The following CYP19A1 variants were observed in gnomAD, a reference collection of about 807,000 sequenced individuals.
CYP19A1 encodes aromatase.
A neutral mutation model predicts 44.4 loss-of-function variants in CYP19A1; 32 were observed. The ratio of observed to expected loss-of-function variants is 0.72; its 90% CI spans 0.54 to 0.97. CYP19A1 has a LOEUF of 0.97. CYP19A1 is among the 50% of genes least tolerant of loss of function. The pLI is 0.00. For missense variants in CYP19A1, 598 were observed against 637.8 expected, an observed-to-expected ratio of 0.94 and a Z score of 0.67; for synonymous variants, 212 against 215.6, an observed-to-expected ratio of 0.98 and a Z score of 0.14.
intron 8 of CYP19A1, among the ~76,000 whole-genome samples, chr15:51,213,092 G>A (rs192356364): frequency 6.6e-6 from 1 of 152,324 alleles, no homozygotes; most frequent in East Asian, 1.9e-4. Flanking sequence ...GAGTCAAAGT[G>A]AGATGGCAGA....
At chr15:51,308,286 T>C (rs957574450) in intron 1 of CYP19A1, among the ~76,000 whole-genome samples, 1 of 152,170 alleles carries the variant, frequency 6.6e-6, no homozygotes, top group Non-Finnish European at 1.5e-5. Flanking sequence ...CTCTTCTCCC[T>C]TGGGCTGCCT....
intron 1 of CYP19A1, among the ~76,000 whole-genome samples, chr15:51,292,459 G>T (rs2035869368): frequency 6.6e-6 from 1 of 152,226 alleles, no homozygotes; most frequent in Admixed American, 6.5e-5. Flanking sequence ...ACGACAAGGT[G>T]CCTTGTGGAT....
chr15:51,233,269 A>T (rs897965537), intron 3 of CYP19A1, among the ~76,000 whole-genome samples: 5 of 152,170 alleles, frequency 3.3e-5, no homozygotes, highest in African/African-American at 1.2e-4. Flanking sequence ...GCCCGGGACT[A>T]TGCCAGTTTC....
intron 3 of CYP19A1, among the ~76,000 whole-genome samples, chr15:51,228,885 G>T (rs1172567729): frequency 6.6e-6 from 1 of 152,140 alleles, no homozygotes. Flanking sequence ...CCACTATGGA[G>T]GTTTTCAGAA....
chr15:51,281,715 A>C (rs1467106095), intron 1 of CYP19A1, among the ~76,000 whole-genome samples: 1 of 152,170 alleles, frequency 6.6e-6, no homozygotes, highest in African/African-American at 2.4e-5. Flanking sequence ...TATGCCAGAA[A>C]AAAAAAAGAA....
At position 51,268,979 on chromosome 15, in the gene CYP19A1, A is replaced by T. The variant is rs371514246; in HGVS notation, c.-38-26029T>A. ...TGATACGTGTTGTTTTGAATACTTT[A>T]TCTTAGTCTGTGCTCTGCTTTATTT... On this transcript the variant is annotated intron_variant, in intron 1 of 9. Transcript: ENST00000396402. 7.2e-5 allele frequency among the ~76,000 whole-genome samples: 11 copies of T among 152,110 alleles called. No homozygotes were observed. In the East Asian group the frequency reaches 1.4e-3, roughly 19 times the overall value.
chr15:51,286,939 C>CA, intron 1 of CYP19A1, among the ~76,000 whole-genome samples: 1 of 152,146 alleles, frequency 6.6e-6, no homozygotes, highest in Admixed American at 6.5e-5. Context: ...GACAGGAGGT[C>CA]ACTCTAGTCT....
At chr15:51,291,441 C>A (rs2035843950) in intron 1 of CYP19A1, among the ~76,000 whole-genome samples, 1 of 152,102 alleles carries the variant, frequency 6.6e-6, no homozygotes, top group South Asian at 2.1e-4. Context: ...GGGAAGGAGA[C>A]CAGCATTTGA....
chr15:51,288,287 G>A (rs2035755671), intron 1 of CYP19A1, among the ~76,000 whole-genome samples: 1 of 152,064 alleles, frequency 6.6e-6, no homozygotes, highest in South Asian at 2.1e-4. Context: ...AGCCCAATCT[G>A]GAGACAGGAA....
At chr15:51,312,964 C>T (rs1271066438) in intron 1 of CYP19A1, 1 of 152,338 alleles carries the variant, frequency 6.6e-6, no homozygotes, top group Non-Finnish European at 1.5e-5. Flanking sequence ...TGGCTTGGCC[C>T]CCACTTGCTC....
At chr15:51,270,255 A>G (rs561130519) in intron 1 of CYP19A1, among the ~76,000 whole-genome samples, 1 of 152,214 alleles carries the variant, frequency 6.6e-6, no homozygotes, top group South Asian at 2.1e-4. Flanking sequence ...CTGAGAGTAT[A>G]TAAGAATACA....
chr15:51,230,992 C>G (rs190021357), intron 3 of CYP19A1, among the ~76,000 whole-genome samples: 126 of 152,282 alleles, frequency 8.3e-4, no homozygotes, highest in Non-Finnish European at 1.5e-3. Context: ...TTTCACTGTC[C>G]TTCACTTCTC....
rs75323680 is a variant in CYP19A1, at chr15:51,269,584, C to A, written c.-38-26634G>T. ...CTACCACTACTACTACTATTTGGAG[C>A]ATAGTTGACAGTTCCACCCTATGGA... On this transcript the variant is annotated intron_variant, in intron 1 of 9. Transcript: ENST00000396402. Among the ~76,000 whole-genome samples the A allele has an allele frequency of 1.1e-3, 161 of 152,140 alleles. 1 individual carries two copies. The East Asian group carries it at 0.022, about 21-fold the overall frequency.
At chr15:51,263,303 T>C (rs34258629) in intron 1 of CYP19A1, among the ~76,000 whole-genome samples, 38,114 of 152,120 alleles carry the variant, frequency 0.25, 7,163 homozygotes, top group African/African-American at 0.53. Flanking sequence ...AGGCAGAACA[T>C]TGACATTGGA....
chr15:51,305,964 A>T (rs889941078), intron 1 of CYP19A1, among the ~76,000 whole-genome samples: 1 of 152,188 alleles, frequency 6.6e-6, no homozygotes, highest in South Asian at 2.1e-4. Context: ...AGGATGCTAC[A>T]TCTGGGGCGC....
chr15:51,276,212 T>G (rs1304878239), intron 1 of CYP19A1, among the ~76,000 whole-genome samples: 1 of 152,208 alleles, frequency 6.6e-6, no homozygotes, highest in East Asian at 1.9e-4. Context: ...GCCAGTCTAA[T>G]CAGAGTATTT....
chr15:51,294,329 C>G (rs1486916472), intron 1 of CYP19A1, among the ~76,000 whole-genome samples: 2 of 150,198 alleles, frequency 1.3e-5, no homozygotes, highest in South Asian at 4.2e-4. Context: ...CCCGCCGCCC[C>G]GTCTGGGATG....
intron 1 of CYP19A1, among the ~76,000 whole-genome samples, chr15:51,264,124 TCTC>T (rs1313717983): frequency 2.0e-5 from 3 of 152,086 alleles, no homozygotes; most frequent in Non-Finnish European, 4.4e-5. Context: ...GGCTTGGAAA[TCTC>T]ATTGAGGCTG....
chr15:51,292,560 C>T (rs2035871303), intron 1 of CYP19A1, among the ~76,000 whole-genome samples: 1 of 152,232 alleles, frequency 6.6e-6, no homozygotes, highest in Non-Finnish European at 1.5e-5. Flanking sequence ...TGCTTTTCAA[C>T]AGTCTTGAGC....
Sources: allele counts gnomAD v4.1 joint callset (sites outside exome capture counted in the v4.1 genomes callset), GRCh38; gene constraint gnomAD v4.1.1; transcripts MANE v1.5; gene names NCBI Gene and HGNC (gene_info 2026-07-23, HGNC 2026-07-21).